The following SAMD12 variants were observed in gnomAD, a reference collection of about 807,000 sequenced individuals.
SAMD12 encodes sterile alpha motif domain-containing protein 12.
A neutral mutation model predicts 15.0 loss-of-function variants in SAMD12; 9 were observed. That is an observed-to-expected ratio of 0.60 (90% confidence interval 0.36 to 1.05). The LOEUF is 1.05. Ranked by LOEUF, SAMD12 falls within the 50% of genes least tolerant of loss-of-function variation. The pLI is 0.01. For synonymous variants in SAMD12, 86 were observed against 90.1 expected (o/e 0.96, Z 0.25); for missense variants, 230 against 234.2 (o/e 0.98, Z 0.12).
intron 2 of SAMD12, among the ~76,000 whole-genome samples, chr8:118,559,831 T>C (rs1351892378): frequency 6.6e-6 from 1 of 152,206 alleles, no homozygotes; most frequent in African/African-American, 2.4e-5. Flanking sequence ...TGGGGTGTTG[T>C]AAAAATTCAA....
chr8:118,388,224 C>T (rs1000482500), intron 3 of SAMD12, among the ~76,000 whole-genome samples: 2 of 152,170 alleles, frequency 1.3e-5, no homozygotes, highest in Non-Finnish European at 2.9e-5. Flanking sequence ...TACTGCTGGG[C>T]TATACTCGCC....
intron 4 of SAMD12, among the ~76,000 whole-genome samples, chr8:118,325,819 A>G (rs1461915442): frequency 2.6e-5 from 4 of 152,178 alleles, no homozygotes; most frequent in African/African-American, 9.7e-5. Flanking sequence ...TTGAACATCA[A>G]TGATGTAAAA....
At chr8:118,267,746 T>C (rs1047535803) in intron 4 of SAMD12, among the ~76,000 whole-genome samples, 4 of 151,804 alleles carry the variant, frequency 2.6e-5, no homozygotes, top group Non-Finnish European at 5.9e-5. Flanking sequence ...TTTAAAGATA[T>C]ACAGGCTTAC....
chr8:118,488,524 C>T (rs954036170), intron 2 of SAMD12, among the ~76,000 whole-genome samples: 1 of 152,136 alleles, frequency 6.6e-6, no homozygotes, highest in East Asian at 1.9e-4. Context: ...TGTTTCTTGG[C>T]ACCCAATCCC....
Position 118,575,937 on chromosome 8 carries a change from A to G in SAMD12, c.192+4778T>C, listed in dbSNP as rs981329216. On this transcript the variant is annotated intron_variant, in intron 2 of 3. Transcript: ENST00000314727. ...GAATTGCCATAGAAATACAAATTCCAATCATCAGAGCATTTGGGAACATCA... is the reference window on the plus strand; with the variant it reads ...GAATTGCCATAGAAATACAAATTCCGATCATCAGAGCATTTGGGAACATCA... Among the ~76,000 whole-genome samples, 15 of 152,314 alleles carry G rather than the reference A, an allele frequency of 9.8e-5. No individual in the cohort carries two copies. The East Asian group carries it at 2.9e-3, about 29-fold the overall frequency.
chr8:118,332,398 C>T (rs946058736), intron 4 of SAMD12, among the ~76,000 whole-genome samples: 2 of 152,206 alleles, frequency 1.3e-5, no homozygotes, highest in African/African-American at 2.4e-5. Flanking sequence ...AAATGACCAG[C>T]GTCGCTGCAG....
intron 4 of SAMD12, among the ~76,000 whole-genome samples, chr8:118,320,561 GT>G (rs879535197): frequency 4.8e-5 from 7 of 147,082 alleles, no homozygotes; most frequent in Non-Finnish European, 8.9e-5. Context: ...GACCAAAATA[GT>G]TTTTTAAAAA....
At chr8:118,460,384 T>A (rs1345249384) in intron 2 of SAMD12, among the ~76,000 whole-genome samples, 1 of 152,108 alleles carries the variant, frequency 6.6e-6, no homozygotes, top group East Asian at 1.9e-4. Flanking sequence ...GACACAAAGA[T>A]GAAAAATCAA....
intron 2 of SAMD12, among the ~76,000 whole-genome samples, chr8:118,492,484 T>C (rs1461919195): frequency 6.6e-6 from 1 of 152,142 alleles, no homozygotes; most frequent in Non-Finnish European, 1.5e-5. Context: ...TTACTCGATA[T>C]GGTAGGGATG....
At chr8:118,172,134 T>G in the SAMD12 span, among the ~76,000 whole-genome samples, 2 of 152,054 alleles carry the variant, frequency 1.3e-5, no homozygotes, top group African/African-American at 4.8e-5. Context: ...AGGGATAGCA[T>G]TAGGAGATAT....
At chr8:118,354,270 G>T (rs1818110865) in intron 4 of SAMD12, among the ~76,000 whole-genome samples, 2 of 152,158 alleles carry the variant, frequency 1.3e-5, no homozygotes, top group Admixed American at 1.3e-4. Context: ...TGAGAGGTTT[G>T]GTGCTAGTAA....
intron 4 of SAMD12, among the ~76,000 whole-genome samples, chr8:118,302,845 A>C (rs1246996468): frequency 6.6e-6 from 1 of 152,246 alleles, no homozygotes; most frequent in Non-Finnish European, 1.5e-5. Context: ...CTTTACCTCC[A>C]GGTGGGATAG....
intron 4 of SAMD12, among the ~76,000 whole-genome samples, chr8:118,206,521 A>G (rs1819866373): frequency 6.6e-6 from 1 of 152,326 alleles, no homozygotes; most frequent in East Asian, 1.9e-4. Context: ...TCATACATCA[A>G]TCAAACAACA....
At chr8:118,447,470 C>CT (rs1241300842) in intron 2 of SAMD12, among the ~76,000 whole-genome samples, 1 of 151,600 alleles carries the variant, frequency 6.6e-6, no homozygotes, top group East Asian at 1.9e-4. Flanking sequence ...GCCCAGCTAA[C>CT]TTTTTTGCAT....
At chr8:118,442,751 TTA>T (rs1340258055) in intron 2 of SAMD12, among the ~76,000 whole-genome samples, 5 of 152,164 alleles carry the variant, frequency 3.3e-5, no homozygotes, top group African/African-American at 1.2e-4. Context: ...TGACACATCA[TTA>T]CCCTGAAACT....
At chr8:118,319,680 G>A (rs904878907) in intron 4 of SAMD12, among the ~76,000 whole-genome samples, 1 of 152,168 alleles carries the variant, frequency 6.6e-6, no homozygotes, top group Non-Finnish European at 1.5e-5. Context: ...ATGCAGACGA[G>A]GAAGAGCTAT....
chr8:118,419,798 C>G (rs867592045), intron 3 of SAMD12, among the ~76,000 whole-genome samples: 2 of 152,200 alleles, frequency 1.3e-5, no homozygotes, highest in Non-Finnish European at 2.9e-5. Flanking sequence ...TAGATACATG[C>G]TTCACCATCC....
intron 1 of SAMD12, among the ~76,000 whole-genome samples, chr8:118,590,008 C>T (rs1303148969): frequency 6.6e-6 from 1 of 152,104 alleles, no homozygotes; most frequent in Non-Finnish European, 1.5e-5. Context: ...AATCTAAAGA[C>T]CTTGAAGGAC....
chr8:118,600,983 T>G (rs1827850434), intron 1 of SAMD12, among the ~76,000 whole-genome samples: 1 of 152,110 alleles, frequency 6.6e-6, no homozygotes, highest in Non-Finnish European at 1.5e-5. Flanking sequence ...ACATGCATTA[T>G]CAGAACATAA....
Sources: gnomAD v4.1 joint callset for allele counts (sites outside exome capture counted in the v4.1 genomes callset) on GRCh38, gnomAD v4.1.1 for gene constraint, MANE v1.5 for transcripts, NCBI Gene and HGNC (gene_info 2026-07-23, HGNC 2026-07-21) for gene names.